Variants in RBFOX1 observed in about 807,000 individuals in gnomAD.
RBFOX1 encodes the protein RNA binding protein fox-1 homolog 1.
RBFOX1 carries 8 observed loss-of-function variants against 57.7 expected under a neutral mutation model. The observed-to-expected ratio is 0.14, with a 90% CI of 0.08 to 0.25. The LOEUF (loss-of-function observed/expected upper bound fraction) is 0.25, where lower values mean the gene tolerates loss of function less well. RBFOX1 is among the 10% of genes least tolerant of loss of function. The pLI is 1.00. For synonymous variants in RBFOX1, 326 were observed against 222.4 expected (o/e 1.47, Z -4.15); for missense variants, 611 against 548.5 (o/e 1.11, Z -1.14).
At chr16:5,632,085 C>T (rs1165270693) in intron 3 of RBFOX1, among the ~76,000 whole-genome samples, 1 of 152,196 alleles carries the variant, frequency 6.6e-6, no homozygotes, top group Non-Finnish European at 1.5e-5. Flanking sequence ...ACAGAGGTAC[C>T]AGAGGAAGGG....
At chr16:7,052,522 G>C (rs902583725) in intron 4 of RBFOX1, among the ~76,000 whole-genome samples, 1 of 152,144 alleles carries the variant, frequency 6.6e-6, no homozygotes, top group Non-Finnish European at 1.5e-5. Flanking sequence ...TATGTCAAGG[G>C]CGTTTTCTGG....
At chr16:6,931,892 A>G (rs532400026) in intron 3 of RBFOX1, among the ~76,000 whole-genome samples, 2 of 152,156 alleles carry the variant, frequency 1.3e-5, no homozygotes, top group East Asian at 3.9e-4. Flanking sequence ...TCACATGGCA[A>G]GAGCGCATGT....
At chr16:5,305,401 A>G (rs182261711) in intron 1 of RBFOX1, among the ~76,000 whole-genome samples, 1 of 152,024 alleles carries the variant, frequency 6.6e-6, no homozygotes, top group African/African-American at 2.4e-5. Flanking sequence ...ACATCTACAG[A>G]GGATGACTGA....
chr16:5,465,755 C>A (rs1005081605), intron 1 of RBFOX1, among the ~76,000 whole-genome samples: 6 of 152,194 alleles, frequency 3.9e-5, no homozygotes, highest in African/African-American at 1.4e-4. Context: ...ACCAGGCATG[C>A]GTGGCCTCAT....
At chr16:5,337,187 G>A (rs2064919609) in intron 1 of RBFOX1, among the ~76,000 whole-genome samples, 1 of 152,176 alleles carries the variant, frequency 6.6e-6, no homozygotes, top group South Asian at 2.1e-4. Flanking sequence ...CCCCCTCACT[G>A]TGGTTTTGGC....
intron 1 of RBFOX1, among the ~76,000 whole-genome samples, chr16:5,249,980 ATTGCAGTGAGGAGGAGG>A (rs1489606935): frequency 4.4e-4 from 63 of 141,668 alleles, no homozygotes; most frequent in African/African-American, 1.5e-3. Context: ...TGAGGAGCAG[ATTGCAGTGAGGAGGAGG>A]TTGCAGTGAG....
intron 1 of RBFOX1, among the ~76,000 whole-genome samples, chr16:5,342,112 G>T (rs997098000): frequency 6.6e-6 from 1 of 152,202 alleles, no homozygotes; most frequent in Non-Finnish European, 1.5e-5. Context: ...CGTACCTGTT[G>T]ACCTATTGGA....
chr16:5,539,476 A>C (rs78300753), intron 2 of RBFOX1, among the ~76,000 whole-genome samples: 15,301 of 151,588 alleles, frequency 0.1, 915 homozygotes, highest in Non-Finnish European at 0.11. Context: ...ACAAAAAAAA[A>C]CACTTGTAAT....
chr16:6,771,478 T>G (rs1484120607), intron 3 of RBFOX1, among the ~76,000 whole-genome samples: 4 of 152,120 alleles, frequency 2.6e-5, no homozygotes, highest in African/African-American at 9.7e-5. Context: ...GCAGAGAGAC[T>G]TTCTGATGCC....
chr16:6,694,783 C>G (rs143136998), intron 3 of RBFOX1, among the ~76,000 whole-genome samples: 1 of 152,268 alleles, frequency 6.6e-6, no homozygotes, highest in Non-Finnish European at 1.5e-5. Context: ...TAATTCAGGG[C>G]AAGGGCTTTT....
At chr16:5,896,081 G>C (rs764241321) in intron 4 of RBFOX1, among the ~76,000 whole-genome samples, 27 of 152,260 alleles carry the variant, frequency 1.8e-4, no homozygotes, top group Non-Finnish European at 3.5e-4. Flanking sequence ...TATTGGGGAA[G>C]TGCCGTCAGG....
chr16:6,695,536 T>G (rs1296125777), intron 3 of RBFOX1, among the ~76,000 whole-genome samples: 1 of 152,060 alleles, frequency 6.6e-6, no homozygotes, highest in East Asian at 1.9e-4. Flanking sequence ...TTGGAGCCCT[T>G]AAGTGGCCGA....
intron 1 of RBFOX1, among the ~76,000 whole-genome samples, chr16:5,384,212 T>G (rs1001076142): frequency 7.2e-5 from 11 of 152,190 alleles, no homozygotes; most frequent in African/African-American, 2.7e-4. Context: ...GGGTACAGGC[T>G]TCTTGCAGAG....
intron 3 of RBFOX1, chr16:5,632,455 A>C (rs2048542286): frequency 6.6e-6 from 1 of 152,372 alleles, no homozygotes; most frequent in African/African-American, 2.4e-5. Flanking sequence ...AGTGCATAGC[A>C]TAGTGACAGC....
chr16:7,268,968 CAG>C (rs1295181352), intron 4 of RBFOX1, among the ~76,000 whole-genome samples: 2 of 139,066 alleles, frequency 1.4e-5, no homozygotes, highest in Non-Finnish European at 3.0e-5. Flanking sequence ...ACCCTGAAGG[CAG>C]AGTTTGCAGT....
At chr16:5,602,401 C>G (rs755044950), downstream of RBFOX1, among the ~76,000 whole-genome samples, 2 of 152,044 alleles carry the variant, frequency 1.3e-5, no homozygotes, top group Non-Finnish European at 1.5e-5. Flanking sequence ...AAAGATGTAC[C>G]CTCAATATCC....
chr16:5,848,123 C>T (rs2056802998), intron 3 of RBFOX1, among the ~76,000 whole-genome samples: 1 of 152,090 alleles, frequency 6.6e-6, no homozygotes, highest in Non-Finnish European at 1.5e-5. Flanking sequence ...AACATCTGTG[C>T]TAAGTGAAAA....
At chr16:5,711,823 G>C (rs1567433480) in intron 3 of RBFOX1, among the ~76,000 whole-genome samples, 1 of 152,216 alleles carries the variant, frequency 6.6e-6, no homozygotes. Context: ...ACAGGCTGGA[G>C]ACTTTCCAGA....
intron 3 of RBFOX1, among the ~76,000 whole-genome samples, chr16:5,633,370 T>A (rs1189090709): frequency 2.0e-5 from 3 of 152,268 alleles, no homozygotes; most frequent in Admixed American, 2.0e-4. Context: ...TTCAATAGTT[T>A]TAGGGTTACA....
Sources: gnomAD v4.1 joint callset for allele counts (sites outside exome capture counted in the v4.1 genomes callset) on GRCh38, gnomAD v4.1.1 for gene constraint, MANE v1.5 for transcripts, NCBI Gene and HGNC (gene_info 2026-07-23, HGNC 2026-07-21) for gene names.